CSMD1: variants seen among roughly 807,000 people sequenced by gnomAD.
The protein encoded by CSMD1 is CUB and Sushi multiple domains 1.
A neutral mutation model predicts 417.5 loss-of-function variants in CSMD1; 213 were observed. The observed-to-expected ratio is 0.51, with a 90% confidence interval of 0.46 to 0.57. The LOEUF (loss-of-function observed/expected upper bound fraction) is 0.57, where lower values mean the gene tolerates loss of function less well. Ranked by LOEUF, CSMD1 falls within the 20% of genes least tolerant of loss-of-function variation. The probability of loss-of-function intolerance (pLI) is 0.00; values close to 1 mark genes in which losing one functional copy is unlikely to be tolerated. For missense variants in CSMD1, 6,923 were observed against 4,529.7 expected, an observed-to-expected ratio of 1.53 and a Z score of -15.17; for synonymous variants, 2,862 against 1,736.8, an observed-to-expected ratio of 1.65 and a Z score of -16.11.
chr8:3,430,947 C>T (rs962877274), intron 12 of CSMD1, among the ~76,000 whole-genome samples: 5 of 152,058 alleles, frequency 3.3e-5, no homozygotes, highest in African/African-American at 1.2e-4. Context: ...GACTAGTAAA[C>T]TGGAGGGTTC....
chr8:3,680,331 G>T (rs555330428), intron 7 of CSMD1, among the ~76,000 whole-genome samples: 14 of 151,912 alleles, frequency 9.2e-5, no homozygotes, highest in Non-Finnish European at 2.1e-4. Context: ...TCAAATAGAC[G>T]CAATAAAAAA....
intron 3 of CSMD1, among the ~76,000 whole-genome samples, chr8:4,309,947 T>G: frequency 6.6e-6 from 1 of 152,314 alleles, no homozygotes; most frequent in African/African-American, 2.4e-5. Context: ...TAGTCGATTA[T>G]AGTTACCCCT....
chr8:3,205,684 A>C, intron 30 of CSMD1, 64 bp from the exon 31 acceptor site: 1 of 721,254 alleles, frequency 1.4e-6, no homozygotes. Flanking sequence ...TAGGTGAGCC[A>C]AAGCTGAAAC....
chr8:3,817,910 T>A (rs1459328839), intron 5 of CSMD1, among the ~76,000 whole-genome samples: 1 of 152,216 alleles, frequency 6.6e-6, no homozygotes, highest in African/African-American at 2.4e-5. Flanking sequence ...GATTCAGCCC[T>A]GTTAACTACC....
intron 66 of CSMD1, among the ~76,000 whole-genome samples, chr8:2,950,595 G>C (rs979678125): frequency 1.3e-5 from 2 of 151,984 alleles, no homozygotes; most frequent in Non-Finnish European, 2.9e-5. Context: ...TTATTCCACA[G>C]AAAGAATAAA....
At chr8:4,145,686 G>A (rs536210171) in intron 3 of CSMD1, among the ~76,000 whole-genome samples, 11 of 151,020 alleles carry the variant, frequency 7.3e-5, no homozygotes, top group Admixed American at 5.2e-4. Flanking sequence ...ACCACACCTG[G>A]CCACATTCCG....
intron 38 of CSMD1, among the ~76,000 whole-genome samples, chr8:3,161,744 T>C (rs992650160): frequency 1.5e-4 from 23 of 152,048 alleles, no homozygotes; most frequent in Non-Finnish European, 2.5e-4. Context: ...CTTATCTACC[T>C]AGCCCAAAGA....
At chr8:3,113,204 T>C (rs1250953569) in intron 42 of CSMD1, 1 of 152,128 alleles carries the variant, frequency 6.6e-6, no homozygotes, top group Non-Finnish European at 1.5e-5. Context: ...ACCTCCCAGC[T>C]CCTCACCTGT....
chr8:4,854,944 C>T, intron 1 of CSMD1, among the ~76,000 whole-genome samples: 1 of 152,214 alleles, frequency 6.6e-6, no homozygotes, highest in Non-Finnish European at 1.5e-5. Flanking sequence ...CCTCTGTAGG[C>T]TCCACCTCTG....
chr8:3,839,084 A>G (rs1184417988), intron 5 of CSMD1, among the ~76,000 whole-genome samples: 1 of 116,932 alleles, frequency 8.6e-6, no homozygotes, highest in Non-Finnish European at 1.7e-5. Flanking sequence ...CCTAGGCTAT[A>G]TATAATATAA....
At chr8:3,503,546 G>A (rs576953519) in intron 10 of CSMD1, among the ~76,000 whole-genome samples, 1 of 152,194 alleles carries the variant, frequency 6.6e-6, no homozygotes, top group Non-Finnish European at 1.5e-5. Context: ...TGGTTCTCTG[G>A]ACCTTTAAGT....
intron 10 of CSMD1, among the ~76,000 whole-genome samples, chr8:3,506,565 C>T (rs1796836829): frequency 6.6e-6 from 1 of 152,182 alleles, no homozygotes; most frequent in African/African-American, 2.4e-5. Flanking sequence ...CCTCATCTTT[C>T]ATTCATCTTC....
intron 2 of CSMD1, among the ~76,000 whole-genome samples, chr8:4,430,814 G>A (rs372687683): frequency 2.6e-4 from 39 of 152,182 alleles, no homozygotes; most frequent in African/African-American, 8.2e-4. Context: ...CGTTTTTCCT[G>A]TCAATTGTCA....
intron 1 of CSMD1, among the ~76,000 whole-genome samples, chr8:4,723,824 G>C (rs188130130): frequency 2.5e-4 from 36 of 141,604 alleles, no homozygotes; most frequent in African/African-American, 8.1e-4. Flanking sequence ...AAACAAAACA[G>C]TGCCTGAATC....
intron 6 of CSMD1, among the ~76,000 whole-genome samples, chr8:3,739,545 A>G: frequency 6.6e-6 from 1 of 152,154 alleles, no homozygotes; most frequent in Non-Finnish European, 1.5e-5. Context: ...CGTCAATTGA[A>G]AAAAAGGGAA....
chr8:3,732,194 T>G (rs1173877859), intron 6 of CSMD1, among the ~76,000 whole-genome samples: 2 of 152,164 alleles, frequency 1.3e-5, no homozygotes, highest in African/African-American at 4.8e-5. Flanking sequence ...GAACAGAGTC[T>G]TTCCGAGAGG....
chr8:4,699,189 C>T (rs1231171961), intron 1 of CSMD1, among the ~76,000 whole-genome samples: 1 of 152,162 alleles, frequency 6.6e-6, no homozygotes, highest in Admixed American at 6.5e-5. Flanking sequence ...TCAAAGCCTG[C>T]TAAGTATGTA....
intron 1 of CSMD1, among the ~76,000 whole-genome samples, chr8:4,720,561 G>C (rs1479160447): frequency 6.6e-6 from 1 of 151,980 alleles, no homozygotes; most frequent in South Asian, 2.1e-4. Flanking sequence ...GAGATTAAAG[G>C]CACATGCCAC....
At chr8:4,070,440 C>A (rs1799487753) in intron 3 of CSMD1, among the ~76,000 whole-genome samples, 1 of 151,996 alleles carries the variant, frequency 6.6e-6, no homozygotes, top group African/African-American at 2.4e-5. Flanking sequence ...TCACTGCAAG[C>A]TCCGCCTCCC....
Sources: gnomAD v4.1 joint callset for allele counts (sites outside exome capture counted in the v4.1 genomes callset) on GRCh38, gnomAD v4.1.1 for gene constraint, MANE v1.5 for transcripts, NCBI Gene and HGNC (gene_info 2026-07-23, HGNC 2026-07-21) for gene names.